The following CNTNAP5 variants were observed in gnomAD, a reference collection of about 807,000 sequenced individuals.
CNTNAP5 encodes contactin-associated protein-like 5.
Under a neutral mutation model 150.2 loss-of-function variants are expected in CNTNAP5, and 72 were observed. The ratio of observed to expected loss-of-function variants is 0.48; its 90% CI spans 0.40 to 0.58. The LOEUF is 0.58. Ranked by LOEUF, CNTNAP5 falls within the 20% of genes least tolerant of loss-of-function variation. The pLI is 0.00. For missense variants in CNTNAP5, 1,636 were observed against 1,626.2 expected (o/e 1.01, Z -0.10); for synonymous variants, 672 against 619.8 (o/e 1.08, Z -1.25).
chr2:124,475,205 CAAG>C (rs1000955914), intron 7 of CNTNAP5, among the ~76,000 whole-genome samples: 1 of 151,588 alleles, frequency 6.6e-6, no homozygotes, highest in Non-Finnish European at 1.5e-5. Context: ...GAATATGAAA[CAAG>C]AAAACCACAT....
chr2:124,636,922 T>C (rs969288209), intron 12 of CNTNAP5, among the ~76,000 whole-genome samples: 18 of 74,056 alleles, frequency 2.4e-4, no homozygotes, highest in Non-Finnish European at 2.2e-4. Context: ...CCTCTCCTCA[T>C]TTTCTCAGAC....
At chr2:124,912,782 C>T (rs1254382841) in intron 23 of CNTNAP5, among the ~76,000 whole-genome samples, 5 of 152,006 alleles carry the variant, frequency 3.3e-5, no homozygotes, top group Non-Finnish European at 7.4e-5. Context: ...TCATCTGACC[C>T]CCTAGGAAAA....
intron 1 of CNTNAP5, among the ~76,000 whole-genome samples, chr2:124,219,084 A>G (rs1686237651): frequency 6.6e-6 from 1 of 152,122 alleles, no homozygotes; most frequent in African/African-American, 2.4e-5. Flanking sequence ...GAATGCGAAG[A>G]TTACCAAAAA....
intron 1 of CNTNAP5, among the ~76,000 whole-genome samples, chr2:124,077,747 C>A (rs184357905): frequency 1.3e-5 from 2 of 152,126 alleles, no homozygotes; most frequent in Non-Finnish European, 2.9e-5. Flanking sequence ...GTCTCTAATA[C>A]CAGCTTTATA....
chr2:124,886,222 A>C (rs1678076575), intron 21 of CNTNAP5, among the ~76,000 whole-genome samples: 1 of 152,058 alleles, frequency 6.6e-6, no homozygotes, highest in Non-Finnish European at 1.5e-5. Context: ...AATATAAGTT[A>C]ATGAGGATAA....
chr2:124,487,546 C>T (rs1693914489), intron 7 of CNTNAP5, among the ~76,000 whole-genome samples: 1 of 151,948 alleles, frequency 6.6e-6, no homozygotes, highest in Admixed American at 6.6e-5. Context: ...ACAGAAACTT[C>T]AATGCTAGCT....
intron 3 of CNTNAP5, among the ~76,000 whole-genome samples, chr2:124,375,020 G>A (rs775981962): frequency 9.2e-5 from 14 of 151,986 alleles, no homozygotes; most frequent in Non-Finnish European, 1.2e-4. Context: ...TAAATAAATA[G>A]TTGAATAAAT....
At chr2:124,342,243 T>C (rs531661831) in intron 3 of CNTNAP5, among the ~76,000 whole-genome samples, 2 of 152,284 alleles carry the variant, frequency 1.3e-5, no homozygotes, top group African/African-American at 4.8e-5. Flanking sequence ...GTATGAAGAA[T>C]CTCAAATTAG....
At chr2:124,464,677 T>C (rs1693335562) in intron 6 of CNTNAP5, among the ~76,000 whole-genome samples, 1 of 152,206 alleles carries the variant, frequency 6.6e-6, no homozygotes. Context: ...CTTTCTTTTT[T>C]AAATACTCAA....
At chr2:124,571,380 A>G (rs1238019897) in intron 11 of CNTNAP5, among the ~76,000 whole-genome samples, 1 of 152,096 alleles carries the variant, frequency 6.6e-6, no homozygotes, top group African/African-American at 2.4e-5. Context: ...AAGAGATACA[A>G]TCAAGAAGGA....
intron 3 of CNTNAP5, among the ~76,000 whole-genome samples, chr2:124,354,671 C>T (rs988572967): frequency 1.3e-5 from 2 of 152,144 alleles, no homozygotes; most frequent in African/African-American, 4.8e-5. Context: ...TCAGTTTTAT[C>T]TTATGAAACA....
intron 18 of CNTNAP5, among the ~76,000 whole-genome samples, chr2:124,793,168 C>G (rs56311221): frequency 0.11 from 16,548 of 152,192 alleles, 1,214 homozygotes; most frequent in Non-Finnish European, 0.16. Flanking sequence ...ATGAGGGATC[C>G]AATTTCTTCA....
intron 3 of CNTNAP5, among the ~76,000 whole-genome samples, chr2:124,404,303 T>C (rs574954420): frequency 6.6e-6 from 1 of 152,214 alleles, no homozygotes; most frequent in East Asian, 1.9e-4. Flanking sequence ...ATTAATAACA[T>C]CTGCCTGGTG....
intron 13 of CNTNAP5, among the ~76,000 whole-genome samples, chr2:124,648,910 A>C (rs889500989): frequency 6.6e-6 from 1 of 152,204 alleles, no homozygotes; most frequent in Admixed American, 6.5e-5. Context: ...GGCTGGGGAA[A>C]AAATGGAGAA....
At chr2:124,878,188 A>G (rs1677899107) in intron 21 of CNTNAP5, among the ~76,000 whole-genome samples, 1 of 152,130 alleles carries the variant, frequency 6.6e-6, no homozygotes, top group Non-Finnish European at 1.5e-5. Context: ...GTAGAGGTAG[A>G]GTGAGGGAGT....
At chr2:124,029,234 G>A (rs1680976034) in intron 1 of CNTNAP5, among the ~76,000 whole-genome samples, 2 of 152,010 alleles carry the variant, frequency 1.3e-5, no homozygotes, top group South Asian at 4.1e-4. Flanking sequence ...TTCAAATAAG[G>A]AGATGAACTA....
chr2:124,607,199 C>T (rs890156723), intron 11 of CNTNAP5, among the ~76,000 whole-genome samples: 11 of 152,090 alleles, frequency 7.2e-5, no homozygotes, highest in Admixed American at 2.0e-4. Flanking sequence ...TCTCTGGGAC[C>T]GTAAGCAACT....
chr2:124,756,154 GA>G (rs1680835936), intron 14 of CNTNAP5, among the ~76,000 whole-genome samples: 1 of 152,112 alleles, frequency 6.6e-6, no homozygotes, highest in Non-Finnish European at 1.5e-5. Flanking sequence ...TTGATTTATA[GA>G]AGTTAAATGG....
Position 124,503,296 on chromosome 2 carries a change from C to T in CNTNAP5, c.1063-996C>T, listed in dbSNP as rs577540608. ...CATAAACAAACATGGTTGGCACCTA[C>T]GGATGTTCTTCCAGGTAGAGGCTTT... is the stretch of plus-strand genomic sequence containing the variant. On this transcript the variant is annotated intron_variant, in intron 7 of 23. Coordinates refer to ENST00000682447, the MANE Select transcript of CNTNAP5 (RefSeq NM_001367498.1). Among the ~76,000 whole-genome samples the T allele has an allele frequency of 5.3e-5, 8 of 152,294 alleles. No individual in the cohort carries two copies. In the South Asian group the frequency reaches 1.2e-3, roughly 24 times the overall value.
Sources: allele counts gnomAD v4.1 joint callset (sites outside exome capture counted in the v4.1 genomes callset), GRCh38; gene constraint gnomAD v4.1.1; transcripts MANE v1.5; gene names NCBI Gene and HGNC (gene_info 2026-07-23, HGNC 2026-07-21).